The following MROH9 variants were observed in gnomAD, a reference collection of about 807,000 sequenced individuals.
The protein encoded by MROH9 is maestro heat like repeat family member 9, also known as maestro heat-like repeat-containing protein family member 9.
A neutral mutation model predicts 98.2 loss-of-function variants in MROH9; 92 were observed. The observed-to-expected ratio is 0.94, with a 90% CI of 0.79 to 1.11. MROH9 has a LOEUF of 1.11. Among genes scored for constraint, MROH9 ranks in the 50% most tolerant of loss-of-function variants. The pLI is 0.00. For synonymous variants in MROH9, 397 were observed against 368.9 expected, an observed-to-expected ratio of 1.08 and a Z score of -0.87; for missense variants, 1,057 against 1,014.8, an observed-to-expected ratio of 1.04 and a Z score of -0.57.
chr1:170,992,409 T>C (rs757690977), intron 12 of MROH9, 80 bp downstream of exon 12: 1 of 1,432,222 alleles, frequency 7.0e-7, no homozygotes, highest in Admixed American at 2.0e-5. Flanking sequence ...ACAGACTCAA[T>C]CATACTTTCT....
At chr1:171,034,376 C>A (rs767055834) in intron 20 of MROH9, among the ~76,000 whole-genome samples, 22 of 152,146 alleles carry the variant, frequency 1.4e-4, no homozygotes, top group Admixed American at 9.8e-4. Flanking sequence ...AAAAAGACAT[C>A]CAGTATCTAT....
intron 20 of MROH9, among the ~76,000 whole-genome samples, chr1:171,030,164 A>G (rs192099229): frequency 1.3e-5 from 2 of 151,940 alleles, no homozygotes; most frequent in East Asian, 3.9e-4. Context: ...TTTTTATTGT[A>G]TCTATTTAAT....
At chr1:171,045,469 C>T (rs796794571) in intron 20 of MROH9, among the ~76,000 whole-genome samples, 10 of 152,128 alleles carry the variant, frequency 6.6e-5, no homozygotes, top group African/African-American at 2.4e-4. Flanking sequence ...TTTGCTGTAT[C>T]CCATAGGTTT....
chr1:170,959,384 A>T (rs1467305386), intron 4 of MROH9, 78 bp from the exon 5 acceptor site: 1 of 1,310,314 alleles, frequency 7.6e-7, no homozygotes, highest in Non-Finnish European at 1.0e-6. Context: ...CAAAATAAAT[A>T]AATAAATAAA....
At position 170,959,402 on chromosome 1, in the gene MROH9, C is replaced by T. The variant is rs185914516; in HGVS notation, c.153-60C>T. 1.4e-5 allele frequency: 18 copies of T among 1,312,840 alleles called. No individual in the cohort carries two copies. The Admixed American group carries it at 3.0e-4, about 22-fold the overall frequency. 81.3% of individuals were successfully genotyped at this position (1,312,840 alleles called of 1,614,324 possible). A position where few individuals can be genotyped will look rare whatever the true frequency, so the allele number is the denominator to read the frequency against. On this transcript the variant is annotated intron_variant, in intron 4 of 21. Coordinates refer to ENST00000367759, the MANE Select transcript of MROH9 (RefSeq NM_001163629.2). ...AATAAATAAATAAATAAATAAAGCCCACTAAATTTCTATTATATTTGTTTT... is the reference window on the plus strand; with the variant it reads ...AATAAATAAATAAATAAATAAAGCCTACTAAATTTCTATTATATTTGTTTT...
At chr1:171,044,966 T>C (rs74877145) in intron 20 of MROH9, among the ~76,000 whole-genome samples, 22,487 of 126,296 alleles carry the variant, frequency 0.18, 2,955 homozygotes, top group African/African-American at 0.42. Context: ...TTATTTCTGC[T>C]CTGATCTTTT....
chr1:170,959,477 AC>A lies in MROH9; in HGVS notation c.169del (p.Leu57CysfsTer7). 1 of 1,609,194 alleles carries A rather than the reference AC, an allele frequency of 6.2e-7. No homozygotes were observed. Among genetic ancestry groups the A allele is most frequent in the East Asian group, 2.2e-5 (1 of 44,718 alleles). ...TTCTTGTCAGCTTTGTGGATCCCTT[AC>A]TGCAGTTTGAATCTCAGTTGAAGAT... ...AVNSSFVDPL[L>X]QFESQLKIIE... is the part of the protein sequence containing the mutation. On this transcript the variant is annotated frameshift_variant, in exon 5 of 22. Transcript: ENST00000367759. LOFTEE classifies it high-confidence loss of function.
At chr1:170,960,830 T>C (rs996840987) in intron 5 of MROH9, among the ~76,000 whole-genome samples, 3 of 152,182 alleles carry the variant, frequency 2.0e-5, no homozygotes, top group African/African-American at 4.8e-5. Context: ...GTTCTCACTA[T>C]GTTGTCCAAG....
At chr1:170,988,265 G>C (rs1331938763) in intron 10 of MROH9, among the ~76,000 whole-genome samples, 2 of 152,122 alleles carry the variant, frequency 1.3e-5, no homozygotes, top group African/African-American at 4.8e-5. Flanking sequence ...GGAGTGCAAG[G>C]TGACTGAAAA....
intron 17 of MROH9, among the ~76,000 whole-genome samples, chr1:171,018,614 A>G (rs1454865034): frequency 1.3e-5 from 2 of 152,220 alleles, no homozygotes; most frequent in Non-Finnish European, 2.9e-5. Flanking sequence ...CCTCTGAGCT[A>G]AAGGAGCACG....
intron 11 of MROH9, 26 bp from the exon 12 acceptor site, chr1:170,992,138 T>C (rs1419442844): frequency 2.6e-6 from 4 of 1,567,578 alleles, no homozygotes; most frequent in Non-Finnish European, 3.4e-6. Context: ...TGATTCTCAT[T>C]GTGTGGGGTG....
chr1:171,050,669 G>T (rs1026232416), intron 20 of MROH9, among the ~76,000 whole-genome samples: 2 of 152,048 alleles, frequency 1.3e-5, no homozygotes, highest in Non-Finnish European at 2.9e-5. Context: ...TATTTCTCTT[G>T]TCTGATTGCT....
In MROH9 at chr1:171,024,523, G is replaced by T. The variant is rs979081003; in HGVS notation, c.2037G>T (p.Glu679Asp). 1 of 1,535,794 alleles carries T rather than the reference G, an allele frequency of 6.5e-7. No homozygotes were observed. Among genetic ancestry groups the T allele is most frequent in the Non-Finnish European group, 8.8e-7 (1 of 1,141,120 alleles). ...TGGTGCCCCTAATCCTATTTTTGGAGGATGATGATAAAAGAGTAGCTGAAG... is the reference window on the plus strand; with the variant it reads ...TGGTGCCCCTAATCCTATTTTTGGATGATGATGATAAAAGAGTAGCTGAAG... Reference protein sequence around the residue: ...EGLVPLILFLEDDDKRVAEAC... With the variant: ...EGLVPLILFLDDDDKRVAEAC... Residue 679 changes from glutamate to aspartate, a missense_variant, in exon 18 of 22, where the codon GAG becomes GAT. Glu to Asp is a conservative substitution (Grantham distance 45, BLOSUM62 2). Transcript: ENST00000367759.
chr1:171,022,183 G>T (rs1266226208), intron 17 of MROH9, among the ~76,000 whole-genome samples: 1 of 152,228 alleles, frequency 6.6e-6, no homozygotes, highest in African/African-American at 2.4e-5. Flanking sequence ...GTGGAATAAA[G>T]TATGGTGATT....
chr1:171,006,197 T>C (rs1430219829), intron 15 of MROH9, among the ~76,000 whole-genome samples: 3 of 151,620 alleles, frequency 2.0e-5, no homozygotes, highest in Admixed American at 6.6e-5. Context: ...TTGTCAGGTA[T>C]AGTATTCTTG....
chr1:171,055,472 A>C (rs2101872403), intron 20 of MROH9, among the ~76,000 whole-genome samples: 1 of 151,984 alleles, frequency 6.6e-6, no homozygotes, highest in Middle Eastern at 3.4e-3. Flanking sequence ...AATACTAAAA[A>C]ATTAGCCAGG....
chr1:170,972,563 C>A (rs1557879737), intron 8 of MROH9, among the ~76,000 whole-genome samples: 1 of 152,094 alleles, frequency 6.6e-6, no homozygotes, highest in African/African-American at 2.4e-5. Flanking sequence ...ATAATCCCAG[C>A]ACTTTGGGAG....
intron 6 of MROH9, among the ~76,000 whole-genome samples, chr1:170,963,946 T>TA (rs1214136604): frequency 6.6e-6 from 1 of 152,066 alleles, no homozygotes; most frequent in Non-Finnish European, 1.5e-5. Context: ...GAACTTAAAA[T>TA]AAAAGTTAAA....
rs187907367 is a variant in MROH9, at chr1:170,972,372, T to C, written c.616+489T>C. On this transcript the variant is annotated intron_variant, in intron 8 of 21. Coordinates refer to ENST00000367759, the MANE Select transcript of MROH9 (RefSeq NM_001163629.2). Reference sequence around the variant, plus strand: ...ATTTCCAAGTAATTTAATTGCATTTTAGAACAAAGCTTAAGAATATTTGTA... The same window carrying C: ...ATTTCCAAGTAATTTAATTGCATTTCAGAACAAAGCTTAAGAATATTTGTA... Among the ~76,000 whole-genome samples, 78 of 152,302 alleles carry C rather than the reference T, an allele frequency of 5.1e-4. No individual in the cohort carries two copies. The East Asian group carries it at 0.014, about 27-fold the overall frequency.
Sources: allele counts gnomAD v4.1 joint callset (sites outside exome capture counted in the v4.1 genomes callset), GRCh38; gene constraint gnomAD v4.1.1; transcripts MANE v1.5; gene names NCBI Gene and HGNC (gene_info 2026-07-23, HGNC 2026-07-21).